The following PROCR variants were observed in gnomAD, a reference collection of about 807,000 sequenced individuals.
PROCR encodes endothelial protein C receptor.
PROCR carries 22 observed loss-of-function variants against 24.2 expected under a neutral mutation model. The ratio of observed to expected loss-of-function variants is 0.91; its 90% CI spans 0.65 to 1.30. The LOEUF (loss-of-function observed/expected upper bound fraction) is 1.30, where lower values mean the gene tolerates loss of function less well. Ranked by LOEUF, PROCR falls within the 50% of genes most tolerant of loss-of-function variation. PROCR has a pLI of 0.00. For synonymous variants in PROCR, 137 were observed against 139.2 expected (o/e 0.98, Z 0.11); for missense variants, 288 against 307.7 (o/e 0.94, Z 0.48).
At chr20:35,196,112 G>A (rs1371715077) in intron 1 of PROCR, among the ~76,000 whole-genome samples, 13 of 145,118 alleles carry the variant, frequency 9.0e-5, no homozygotes, top group Non-Finnish European at 1.3e-4. Flanking sequence ...AACCCAGGAG[G>A]CAGAGGTTGC....
chr20:35,205,787 A>ATATG (rs1555791725), intron 1 of PROCR, among the ~76,000 whole-genome samples: 3 of 132,714 alleles, frequency 2.3e-5, no homozygotes, highest in Non-Finnish European at 4.8e-5. Context: ...ATATATATAT[A>ATATG]TGTATATATA....
chr20:35,179,318 G>T (rs1369806193), downstream of PROCR, among the ~76,000 whole-genome samples: 2 of 151,602 alleles, frequency 1.3e-5, no homozygotes, highest in African/African-American at 4.8e-5. Flanking sequence ...GAGGCAGGAG[G>T]ATTGCTTGAG....
intron 1 of PROCR, among the ~76,000 whole-genome samples, chr20:35,199,137 T>C (rs146314678): frequency 5.4e-4 from 83 of 152,364 alleles, no homozygotes; most frequent in African/African-American, 1.9e-3. Context: ...CCAATGTCCA[T>C]GTACCATTAT....
chr20:35,214,735 T>C (rs1366624060), intron 1 of PROCR, among the ~76,000 whole-genome samples: 1 of 151,700 alleles, frequency 6.6e-6, no homozygotes, highest in Non-Finnish European at 1.5e-5. Context: ...TGTCCCATTG[T>C]ATGCATTGGT....
intron 1 of PROCR, chr20:35,215,847 C>A: frequency 1.0e-6 from 1 of 985,024 alleles, no homozygotes; most frequent in Non-Finnish European, 1.2e-6. Context: ...ACTTCCTAAG[C>A]TGGACTGTGC....
At chr20:35,174,999 G>A (rs1432404724) in intron 2 of PROCR, 46 bp downstream of exon 2, 13 of 1,334,752 alleles carry the variant, frequency 9.7e-6, no homozygotes, top group Admixed American at 8.3e-5. Flanking sequence ...GGGCTAGTGG[G>A]GGCGGGGCCT....
rs34186603 is a variant in PROCR at position 35,206,474 on chromosome 20, C to CAAA, written c.95-9398_95-9396dup. Among the ~76,000 whole-genome samples the CAAA allele has an allele frequency of 3.1e-3, 214 of 68,460 alleles. 3 individuals are homozygous for CAAA. The highest frequency in any genetic ancestry group is 7.1e-3 in the African/African-American group (130 of 18,274). The allele number at this position is 68,460 out of a possible 152,430, so 44.9% of individuals were successfully genotyped here. On this transcript the variant is annotated intron_variant, in intron 1 of 1. Transcript: ENST00000634509. ...TGGGCAACAGTGTGAGACTCTATCTCAAAAAAAAAAAAAAAAAAAAAAACT... is the reference window on the plus strand; with the variant it reads ...TGGGCAACAGTGTGAGACTCTATCTCAAAAAAAAAAAAAAAAAAAAAAAAAACT...
downstream of PROCR, among the ~76,000 whole-genome samples, chr20:35,180,386 C>T (rs1320587055): frequency 6.6e-6 from 1 of 152,202 alleles, no homozygotes; most frequent in Non-Finnish European, 1.5e-5. Flanking sequence ...TGCACAAGAT[C>T]ATGCCCATCC....
chr20:35,177,416 C>G, downstream of PROCR: 3 of 752,172 alleles, frequency 4.0e-6, no homozygotes, highest in Non-Finnish European at 4.8e-6. Flanking sequence ...ATACCCATTT[C>G]TTCTGCTTCC....
chr20:35,198,747 C>T (rs1412205539), intron 1 of PROCR, among the ~76,000 whole-genome samples: 1 of 150,788 alleles, frequency 6.6e-6, no homozygotes, highest in Non-Finnish European at 1.5e-5. Context: ...TGGAGTCTCA[C>T]TCTGTCACCC....
At chr20:35,178,103 T>C (rs1486340932), downstream of PROCR, among the ~76,000 whole-genome samples, 1 of 152,052 alleles carries the variant, frequency 6.6e-6, no homozygotes, top group African/African-American at 2.4e-5. Context: ...ATTTTATCTT[T>C]AAGAGCATGT....
intron 1 of PROCR, among the ~76,000 whole-genome samples, chr20:35,190,974 C>T (rs922398424): frequency 1.3e-5 from 2 of 152,066 alleles, no homozygotes; most frequent in African/African-American, 2.4e-5. Context: ...ATTCTCCTGC[C>T]TCAGCCTCCT....
chr20:35,172,572 G>A (rs2069953), intron 1 of PROCR, among the ~76,000 whole-genome samples: 168 of 152,156 alleles, frequency 1.1e-3, no homozygotes, highest in Non-Finnish European at 1.9e-3. Flanking sequence ...TAGGGGAGAC[G>A]GGAAGAGGCT....
intron 1 of PROCR, among the ~76,000 whole-genome samples, chr20:35,208,303 C>G (rs2060349460): frequency 6.6e-6 from 1 of 152,222 alleles, no homozygotes; most frequent in South Asian, 2.1e-4. Flanking sequence ...CTACTGCAAT[C>G]TGTTCCACAG....
Position 35,174,906 on chromosome 20 carries a change from A to G in PROCR, c.275A>G (p.Gln92Arg), listed in dbSNP as rs2085993159. 2 of 1,570,620 alleles carry G rather than the reference A, an allele frequency of 1.3e-6. No homozygotes were observed. Among genetic ancestry groups the G allele is most frequent in the South Asian group, 1.1e-5 (1 of 90,032 alleles). ...AGTGGCCTGCAGTCCTACCTGCTCC[A>G]GTTCCACGGCCTCGTGCGCCTGGTG... ...TQSGLQSYLL[Q>R]FHGLVRLVHQ... Residue 92 changes from glutamine (Q) to arginine (R), a missense_variant, in exon 2 of 4, where the codon CAG becomes CGG. Coordinates refer to ENST00000216968, the MANE Select transcript of PROCR (RefSeq NM_006404.5).
chr20:35,209,297 A>C (rs1395503625), intron 1 of PROCR, among the ~76,000 whole-genome samples: 2 of 152,198 alleles, frequency 1.3e-5, no homozygotes, highest in African/African-American at 4.8e-5. Flanking sequence ...CTGGGCAGAT[A>C]GAGCACTGTT....
At chr20:35,181,986 AT>A (rs1286087379), downstream of PROCR, among the ~76,000 whole-genome samples, 3 of 152,232 alleles carry the variant, frequency 2.0e-5, no homozygotes, top group Non-Finnish European at 4.4e-5. Context: ...CTGCTGCCAT[AT>A]TAAAGGAATT....
chr20:35,174,774 C>A lies in PROCR; in HGVS notation c.143C>A (p.Ala48Glu), dbSNP rs778798174. The stretch of plus-strand genomic sequence containing the variant: ...TATCACGTGTGGTACCAGGGCAACG[C>A]GTCGCTGGGGGGACACCTAACGCAC... ...DPYHVWYQGN[A>E]SLGGHLTHVL... The change falls in exon 2 of 4, where the codon GCG becomes GAG. Residue 48 changes from alanine (A) to glutamate (E), a missense_variant. Coordinates refer to ENST00000216968, the MANE Select transcript of PROCR (RefSeq NM_006404.5). 2.5e-6 allele frequency: 4 copies of A among 1,613,980 alleles called. No homozygotes were observed. In the South Asian group the frequency reaches 3.3e-5, roughly 13 times the overall value.
chr20:35,180,016 TG>T (rs2086063054), downstream of PROCR, among the ~76,000 whole-genome samples: 1 of 151,812 alleles, frequency 6.6e-6, no homozygotes, highest in Non-Finnish European at 1.5e-5. Context: ...GAGGCCGAGG[TG>T]GGGGGATCAC....
Sources: gnomAD v4.1 joint callset for allele counts (sites outside exome capture counted in the v4.1 genomes callset) on GRCh38, gnomAD v4.1.1 for gene constraint, MANE v1.5 for transcripts, NCBI Gene and HGNC (gene_info 2026-07-23, HGNC 2026-07-21) for gene names.